Variants in NEGR1 observed in about 807,000 individuals in gnomAD.
The protein encoded by NEGR1 is IgLON family member 4.
A neutral mutation model predicts 40.9 loss-of-function variants in NEGR1; 10 were observed. That is an observed-to-expected ratio of 0.24 (90% confidence interval 0.15 to 0.42). The LOEUF (loss-of-function observed/expected upper bound fraction) is 0.42. Ranked by LOEUF, NEGR1 falls within the 10% of genes least tolerant of loss-of-function variation. The probability of loss-of-function intolerance (pLI) is 1.00; values close to 1 mark genes in which losing one functional copy is unlikely to be tolerated. For missense variants in NEGR1, 352 were observed against 438.9 expected (o/e 0.80, Z 1.77); for synonymous variants, 185 against 166.8 (o/e 1.11, Z -0.84).
chr1:72,179,808 C>A (rs949125990), intron 1 of NEGR1, among the ~76,000 whole-genome samples: 2 of 151,286 alleles, frequency 1.3e-5, no homozygotes, highest in African/African-American at 4.9e-5. Context: ...AAAAAAAACC[C>A]TAGGAATAAA....
intron 6 of NEGR1, among the ~76,000 whole-genome samples, chr1:71,567,937 G>A (rs151079708): frequency 0.012 from 1,750 of 152,010 alleles, 30 homozygotes; most frequent in Admixed American, 0.027. Context: ...GCCCTCACCC[G>A]AACCTGACAT....
At chr1:71,924,875 T>C (rs534627490) in intron 2 of NEGR1, among the ~76,000 whole-genome samples, 2 of 152,226 alleles carry the variant, frequency 1.3e-5, no homozygotes, top group East Asian at 3.9e-4. Context: ...AAGTCATGAA[T>C]GTCTAACTAA....
At chr1:71,813,540 T>C (rs1201141370) in intron 2 of NEGR1, among the ~76,000 whole-genome samples, 6 of 152,110 alleles carry the variant, frequency 3.9e-5, no homozygotes, top group Non-Finnish European at 8.8e-5. Context: ...GCCATTTTCA[T>C]GATATTGATT....
chr1:72,160,264 T>C (rs1651503813), intron 1 of NEGR1, among the ~76,000 whole-genome samples: 2 of 152,096 alleles, frequency 1.3e-5, no homozygotes, highest in Non-Finnish European at 2.9e-5. Flanking sequence ...GGACAGACCA[T>C]TTGGTGATGA....
chr1:71,410,824 ATCT>A (rs1229252256), intron 6 of NEGR1, among the ~76,000 whole-genome samples: 3 of 152,264 alleles, frequency 2.0e-5, no homozygotes, highest in Admixed American at 6.5e-5. Flanking sequence ...GGGTCAATGG[ATCT>A]TCTTAGCAGG....
At chr1:72,236,431 A>T (rs1284525225) in intron 1 of NEGR1, among the ~76,000 whole-genome samples, 1 of 150,964 alleles carries the variant, frequency 6.6e-6, no homozygotes, top group African/African-American at 2.5e-5. Flanking sequence ...AAAGTATAAT[A>T]AAAAAAAGAA....
At chr1:72,238,406 GAATT>G (rs1315790152) in intron 1 of NEGR1, among the ~76,000 whole-genome samples, 39 of 151,876 alleles carry the variant, frequency 2.6e-4, no homozygotes, top group African/African-American at 9.4e-4. Flanking sequence ...CATGTATATC[GAATT>G]GATTCAGGAA....
chr1:71,813,093 T>C (rs1557662080), intron 2 of NEGR1, among the ~76,000 whole-genome samples: 2 of 152,172 alleles, frequency 1.3e-5, no homozygotes, highest in African/African-American at 4.8e-5. Flanking sequence ...TAATCCATCT[T>C]GAGTCAATTT....
chr1:72,260,182 A>C (rs765608596), intron 1 of NEGR1, among the ~76,000 whole-genome samples: 1 of 152,074 alleles, frequency 6.6e-6, no homozygotes, highest in Non-Finnish European at 1.5e-5. Flanking sequence ...TAGAAAGTGA[A>C]AGAATCTAGA....
At chr1:72,270,924 A>G (rs578261916) in intron 1 of NEGR1, among the ~76,000 whole-genome samples, 1 of 151,988 alleles carries the variant, frequency 6.6e-6, no homozygotes, top group South Asian at 2.1e-4. Context: ...AGATTAGCAG[A>G]AAAAAAGCAG....
At chr1:71,737,012 A>G (rs543719075) in intron 3 of NEGR1, among the ~76,000 whole-genome samples, 2 of 152,300 alleles carry the variant, frequency 1.3e-5, no homozygotes, top group East Asian at 3.9e-4. Flanking sequence ...GGTGCTTCCT[A>G]AAATTGTTCT....
At chr1:71,981,417 G>A (rs1646353377) in intron 1 of NEGR1, among the ~76,000 whole-genome samples, 1 of 152,122 alleles carries the variant, frequency 6.6e-6, no homozygotes, top group African/African-American at 2.4e-5. Context: ...CTCATGTGCT[G>A]GGTGGAAAGC....
intron 1 of NEGR1, among the ~76,000 whole-genome samples, chr1:72,100,412 T>C (rs1164124564): frequency 1.3e-5 from 2 of 152,150 alleles, no homozygotes; most frequent in African/African-American, 4.8e-5. Flanking sequence ...CCTCAACTAA[T>C]AAAAATGAAC....
intron 1 of NEGR1, among the ~76,000 whole-genome samples, chr1:72,088,796 C>CTTT (rs71074816): frequency 1.7e-4 from 13 of 74,918 alleles, no homozygotes; most frequent in Admixed American, 3.5e-4. Context: ...CTCTCTCTCT[C>CTTT]TTTTTTTTTT....
chr1:71,577,537 G>T (rs1340483625), intron 6 of NEGR1, among the ~76,000 whole-genome samples: 2 of 152,134 alleles, frequency 1.3e-5, no homozygotes, highest in South Asian at 2.1e-4. Context: ...CATAGTAGTG[G>T]CCAGGAAGAA....
intron 1 of NEGR1, among the ~76,000 whole-genome samples, chr1:72,113,611 G>C (rs1649469155): frequency 6.6e-6 from 1 of 151,614 alleles, no homozygotes; most frequent in Admixed American, 6.6e-5. Context: ...TAGAAAAGCA[G>C]ATAAGAGCAC....
At chr1:71,872,122 C>A (rs1660296459) in intron 2 of NEGR1, among the ~76,000 whole-genome samples, 1 of 152,058 alleles carries the variant, frequency 6.6e-6, no homozygotes, top group African/African-American at 2.4e-5. Flanking sequence ...ATAGTCCATT[C>A]AATTGCTTAA....
intron 6 of NEGR1, among the ~76,000 whole-genome samples, chr1:71,527,473 G>T (rs17091319): frequency 0.089 from 13,503 of 151,056 alleles, 695 homozygotes; most frequent in African/African-American, 0.12. Flanking sequence ...ATATGCATCT[G>T]GTCTAGTCAT....
At chr1:71,599,947 C>T (rs959793063) in intron 5 of NEGR1, among the ~76,000 whole-genome samples, 1 of 152,138 alleles carries the variant, frequency 6.6e-6, no homozygotes, top group Non-Finnish European at 1.5e-5. Context: ...TTCTCCCCAC[C>T]ACTTGAACTA....
Sources: allele counts gnomAD v4.1 joint callset (sites outside exome capture counted in the v4.1 genomes callset), GRCh38; gene constraint gnomAD v4.1.1; transcripts MANE v1.5; gene names NCBI Gene and HGNC (gene_info 2026-07-23, HGNC 2026-07-21).